CRISPLD2: variants seen among roughly 807,000 people sequenced by gnomAD.
CRISPLD2 encodes the protein cysteine-rich secretory protein LCCL domain-containing 2.
A neutral mutation model predicts 71.1 loss-of-function variants in CRISPLD2; 47 were observed. That is an observed-to-expected ratio of 0.66 (90% confidence interval 0.52 to 0.84). The LOEUF (loss-of-function observed/expected upper bound fraction) is 0.84, where lower values mean the gene tolerates loss of function less well. Among genes scored for constraint, CRISPLD2 ranks in the 40% least tolerant of loss-of-function variants. The pLI is 0.00. For synonymous variants in CRISPLD2, 317 were observed against 250.1 expected, an observed-to-expected ratio of 1.27 and a Z score of -2.52; for missense variants, 830 against 651.1, an observed-to-expected ratio of 1.27 and a Z score of -2.99.
At chr16:84,849,074 C>G in intron 3 of CRISPLD2, 1 of 249,044 alleles carries the variant, frequency 4.0e-6, no homozygotes. Flanking sequence ...ACCTGAGGAG[C>G]CTACTAGAGA....
chr16:84,870,684 A>G (rs1264860821), intron 8 of CRISPLD2, among the ~76,000 whole-genome samples: 1 of 152,196 alleles, frequency 6.6e-6, no homozygotes, highest in Non-Finnish European at 1.5e-5. Flanking sequence ...TGACTGCCTG[A>G]TACTCTGACA....
chr16:84,892,695 G>T (rs1302287748), intron 14 of CRISPLD2, among the ~76,000 whole-genome samples: 2 of 152,098 alleles, frequency 1.3e-5, no homozygotes, highest in African/African-American at 4.8e-5. Flanking sequence ...GAGTCATTCA[G>T]CCAGGCGTGG....
At chr16:84,891,651 G>T (rs2071663872) in intron 14 of CRISPLD2, among the ~76,000 whole-genome samples, 1 of 152,224 alleles carries the variant, frequency 6.6e-6, no homozygotes, top group South Asian at 2.1e-4. Context: ...TTCCTGAGCA[G>T]CGCAGCCAGC....
At chr16:84,857,388 G>A (rs1348982503) in intron 6 of CRISPLD2, among the ~76,000 whole-genome samples, 1 of 152,124 alleles carries the variant, frequency 6.6e-6, no homozygotes, top group Non-Finnish European at 1.5e-5. Flanking sequence ...TTCACAGTTC[G>A]TGACCACTCA....
chr16:84,868,614 G>A (rs530645967), intron 7 of CRISPLD2, among the ~76,000 whole-genome samples: 16 of 152,224 alleles, frequency 1.1e-4, no homozygotes, highest in Admixed American at 2.0e-4. Context: ...GTCCATATGC[G>A]GAAATTGAAC....
In CRISPLD2 at chr16:84,903,361, G is replaced by A. The variant is rs1008252723; in HGVS notation, c.1440-3227G>A. Among the ~76,000 whole-genome samples, 9 of 152,140 alleles carry A rather than the reference G, an allele frequency of 5.9e-5. No homozygotes were observed. The South Asian group carries it at 1.5e-3, about 25-fold the overall frequency. ...GGAGGCCGAGGCAGGCGGATCATGA[G>A]CTCAGGCGTTTGAGACCAGCCCGGC... is the stretch of plus-strand genomic sequence containing the variant. On this transcript the variant is annotated intron_variant, in intron 14 of 14. Coordinates refer to ENST00000262424, the MANE Select transcript of CRISPLD2 (RefSeq NM_031476.4).
chr16:84,851,634 G>A (rs1001381606), intron 5 of CRISPLD2, among the ~76,000 whole-genome samples: 11 of 152,220 alleles, frequency 7.2e-5, no homozygotes, highest in Non-Finnish European at 1.0e-4. Context: ...CGGCTCAGCA[G>A]CCCACATGGA....
At chr16:84,849,173 C>G in intron 3 of CRISPLD2, 1 of 548,370 alleles carries the variant, frequency 1.8e-6, no homozygotes, top group South Asian at 2.2e-5. Flanking sequence ...CTCGGCCTCC[C>G]TCCCTCCTCG....
intron 3 of CRISPLD2, among the ~76,000 whole-genome samples, chr16:84,847,686 G>A (rs73250070): frequency 2.6e-5 from 4 of 151,948 alleles, no homozygotes; most frequent in Non-Finnish European, 4.4e-5. Context: ...ACATGAAAGT[G>A]AAGTGTCTAA....
chr16:84,836,496 G>C (rs950778207), intron 1 of CRISPLD2: 3 of 152,134 alleles, frequency 2.0e-5, no homozygotes, highest in Admixed American at 2.0e-4. Flanking sequence ...AGGGCAGCCC[G>C]TCTGCCCTGC....
intron 6 of CRISPLD2, among the ~76,000 whole-genome samples, chr16:84,862,123 C>T (rs1917400237): frequency 6.6e-6 from 1 of 152,156 alleles, no homozygotes; most frequent in Non-Finnish European, 1.5e-5. Context: ...GCTGGTGCTC[C>T]CCTGACTGTG....
chr16:84,853,052 G>A (rs920822754), intron 5 of CRISPLD2, among the ~76,000 whole-genome samples: 3 of 152,184 alleles, frequency 2.0e-5, no homozygotes, highest in African/African-American at 7.2e-5. Flanking sequence ...GGGTGACAGA[G>A]CAAGACCCTG....
rs539435409 is a variant in CRISPLD2 at position 84,871,213 on chromosome 16, T to C, written c.915-1229T>C. 9.9e-5 allele frequency among the ~76,000 whole-genome samples: 15 copies of C among 152,264 alleles called. No individual in the cohort carries two copies. The South Asian group carries it at 2.9e-3, about 29-fold the overall frequency. On this transcript the variant is annotated intron_variant, in intron 8 of 14. Coordinates refer to ENST00000262424, the MANE Select transcript of CRISPLD2 (RefSeq NM_031476.4). ...AAGATTTTCTTAAACATTAGAGTGATTTACACTTCCATGAACAGCAACACC... is the reference window on the plus strand; with the variant it reads ...AAGATTTTCTTAAACATTAGAGTGACTTACACTTCCATGAACAGCAACACC...
intron 12 of CRISPLD2, 42 bp from the exon 13 acceptor site, chr16:84,880,467 T>C: frequency 6.6e-7 from 1 of 1,513,346 alleles, no homozygotes; most frequent in Non-Finnish European, 9.0e-7. Context: ...AGTTTGGTTT[T>C]CTGTGCTCAG....
intron 5 of CRISPLD2, among the ~76,000 whole-genome samples, chr16:84,850,917 C>T (rs948816806): frequency 7.3e-6 from 1 of 136,932 alleles, no homozygotes; most frequent in Admixed American, 7.8e-5. Context: ...GATGGCTGCA[C>T]AGCACCAACA....
At chr16:84,836,157 T>C (rs146945443) in intron 1 of CRISPLD2, 2 of 152,324 alleles carry the variant, frequency 1.3e-5, no homozygotes, top group Non-Finnish European at 2.9e-5. Flanking sequence ...ATCTCAAACA[T>C]CAACAAATTT....
intron 14 of CRISPLD2, among the ~76,000 whole-genome samples, chr16:84,900,356 C>T (rs1427777490): frequency 6.6e-6 from 1 of 152,150 alleles, no homozygotes; most frequent in Admixed American, 6.5e-5. Context: ...AGTTTCCAAT[C>T]TGGGGGCTCT....
chr16:84,888,055 C>T (rs1025499648), intron 13 of CRISPLD2, among the ~76,000 whole-genome samples: 1 of 152,272 alleles, frequency 6.6e-6, no homozygotes, highest in African/African-American at 2.4e-5. Flanking sequence ...TAAAGAAACC[C>T]AGGTTTATTA....
At chr16:84,875,177 G>C (rs944249648) in intron 11 of CRISPLD2, among the ~76,000 whole-genome samples, 2 of 152,006 alleles carry the variant, frequency 1.3e-5, no homozygotes, top group African/African-American at 4.8e-5. Flanking sequence ...GAAACTTGAG[G>C]CTGCAATGAG....
Sources: gnomAD v4.1 joint callset for allele counts (sites outside exome capture counted in the v4.1 genomes callset) on GRCh38, gnomAD v4.1.1 for gene constraint, MANE v1.5 for transcripts, NCBI Gene and HGNC (gene_info 2026-07-23, HGNC 2026-07-21) for gene names.